The following HSPA5 variants were observed in gnomAD, a reference collection of about 807,000 sequenced individuals.
HSPA5 encodes the protein endoplasmic reticulum chaperone BiP.
A neutral mutation model predicts 49.5 loss-of-function variants in HSPA5; 16 were observed. The observed-to-expected ratio is 0.32, with a 90% CI of 0.22 to 0.49. HSPA5 has a LOEUF of 0.49. HSPA5 is among the 20% of genes least tolerant of loss of function. HSPA5 has a pLI of 0.99. For synonymous variants in HSPA5, 271 were observed against 307.2 expected (o/e 0.88, Z 1.23); for missense variants, 376 against 819.0 (o/e 0.46, Z 6.60).
Position 125,239,093 on chromosome 9 carries a change from T to G in HSPA5, c.844A>C (p.Asn282His). ...KKTGKDVRKDNRAVQKLRREV... is the reference protein window; with the variant it reads ...KKTGKDVRKDHRAVQKLRREV... ...CGCCGGAGTTTCTGCACAGCTCTAT[T>G]GTCTTTCCTGACATCTTTGCCCGTC... Residue 282 changes from asparagine to histidine, a missense_variant, in exon 5 of 8, where the codon AAT becomes CAT. Physicochemically the swap from Asn to His is moderately conservative, Grantham distance 68. This residue lies in a region of HSPA5 where 89 missense variants were observed against 155.9 expected (regional missense o/e 0.57). Coordinates refer to ENST00000324460, the MANE Select transcript of HSPA5 (RefSeq NM_005347.5). This position sits in a 1 kb window ranked among gnomAD's most constrained non-coding sequence, Gnocchi z 5.5. 1 of 1,614,196 alleles carries G rather than the reference T, an allele frequency of 6.2e-7. No individual in the cohort carries two copies. Among genetic ancestry groups the G allele is most frequent in the Non-Finnish European group, 8.5e-7 (1 of 1,180,032 alleles).
chr9:125,238,882 T>C, intron 5 of HSPA5, 55 bp from the exon 6 acceptor site: 1 of 1,605,882 alleles, frequency 6.2e-7, no homozygotes, highest in Non-Finnish European at 8.5e-7. Flanking sequence ...CTAGATGCAA[T>C]GTCCTGAATT....
Position 125,236,401 on chromosome 9 carries a change from C to T in HSPA5, c.*191G>A, listed in dbSNP as rs1414585594. The T allele has an allele frequency of 2.9e-5, 14 of 480,648 alleles. No homozygotes were observed. The highest frequency in any genetic ancestry group is 5.1e-5 in the Non-Finnish European group (14 of 275,314). The allele number at this position is 480,648 out of a possible 1,614,324, so 29.8% of individuals were successfully genotyped here. ...TTTTAAGATGGCCAATTCTTCTTCT[C>T]CCCCCCACCCAAAGACATGTGAGCA... is the stretch of plus-strand genomic sequence containing the variant. On this transcript the variant is annotated 3_prime_UTR_variant, in exon 8 of 8. Coordinates refer to ENST00000324460, the MANE Select transcript of HSPA5 (RefSeq NM_005347.5).
intron 7 of HSPA5, 69 bp from the exon 8 acceptor site, chr9:125,237,223 TTTCAGTC>T: frequency 8.8e-7 from 1 of 1,139,026 alleles, no homozygotes. Flanking sequence ...GATCCCCGCA[TTTCAGTC>T]TGAAGCATAA....
In HSPA5 at chr9:125,236,676, A is replaced by C. The variant is rs1388193268; in HGVS notation, c.1881T>G (p.Val627=). 6.2e-7 allele frequency: 1 copy of C among 1,613,672 alleles called. No homozygotes were observed. Among genetic ancestry groups the C allele is most frequent in the East Asian group, 2.2e-5 (1 of 44,894 alleles). Reference sequence around the variant, plus strand: ...CATAGAGTTTGCTGATAATTGGTTGAACAATTTCTTCCAGTTCCTTCTTCT... The same window carrying C: ...CATAGAGTTTGCTGATAATTGGTTGCACAATTTCTTCCAGTTCCTTCTTCT... ...KAKKKELEEI[V]QPIISKLYGS... The change falls in exon 8 of 8, where the codon GTT becomes GTG. Residue 627 remains valine, a synonymous_variant. Transcript: ENST00000324460.
Position 125,240,314 on chromosome 9 carries a change from T to C in HSPA5, c.355-5A>G. ...TTTAGTTTTCTTTTCAACCACCTATTTTAAAGAATTATTGTTTTCAGACAC... is the reference window on the plus strand; with the variant it reads ...TTTAGTTTTCTTTTCAACCACCTATCTTAAAGAATTATTGTTTTCAGACAC... On this transcript the variant is annotated splice_polypyrimidine_tract_variant and splice_region_variant and intron_variant, in intron 2 of 7. Coordinates refer to ENST00000324460, the MANE Select transcript of HSPA5 (RefSeq NM_005347.5). The surrounding 1 kb of genome is among the most constrained non-coding windows in gnomAD (Gnocchi z 4.4). 2 of 1,596,424 alleles carry C rather than the reference T, an allele frequency of 1.3e-6. No homozygotes were observed. Among genetic ancestry groups the C allele is most frequent in the Non-Finnish European group, 1.7e-6 (2 of 1,171,854 alleles).
At position 125,236,595 on chromosome 9, in the gene HSPA5, C is replaced by T. The variant is rs1230081034; in HGVS notation, c.1962G>A (p.Leu654=). ...TACAGCACTAGCAGATCAGTGTCTA[C>T]AACTCATCTTTTTCTGCTGTATCCT... is the stretch of plus-strand genomic sequence containing the variant. ...GEEDTAEKDE[L] Residue 654 remains leucine, a synonymous_variant, in exon 8 of 8, where the codon TTG becomes TTA. Transcript: ENST00000324460. The T allele has an allele frequency of 6.3e-7, 1 of 1,585,446 alleles. No homozygotes were observed. Among genetic ancestry groups the T allele is most frequent in the Non-Finnish European group, 8.6e-7 (1 of 1,167,708 alleles).
rs763802245 is a variant in HSPA5 at position 125,239,483 on chromosome 9, G to C, written c.543C>G (p.Arg181=). 2 of 1,613,988 alleles carry C rather than the reference G, an allele frequency of 1.2e-6. No homozygotes were observed. The highest frequency in any genetic ancestry group is 1.7e-5 in the Admixed American group (1 of 59,984). Residue 181 remains arginine, a synonymous_variant, in exon 4 of 8, where the codon CGC becomes CGG. Coordinates refer to ENST00000324460, the MANE Select transcript of HSPA5 (RefSeq NM_005347.5). The surrounding 1 kb of genome is among the most constrained non-coding windows in gnomAD (Gnocchi z 5.5). ...TVPAYFNDAQ[R]QATKDAGTIA... is the part of the protein sequence containing the mutation. Reference sequence around the variant, plus strand: ...TAGTTCCAGCGTCTTTGGTTGCTTGGCGTTGGGCATCATTAAAATAGGCTG... The same window carrying C: ...TAGTTCCAGCGTCTTTGGTTGCTTGCCGTTGGGCATCATTAAAATAGGCTG...
In HSPA5 at chr9:125,238,831, G is replaced by GA. The variant is rs780605687; in HGVS notation, c.997-5dup. On this transcript the variant is annotated splice_region_variant and splice_polypyrimidine_tract_variant and intron_variant, in intron 5 of 7. Transcript: ENST00000324460. ...TCATAGTAGACCGGAACAGATCCTA[G>GA]AAAAAAGACATGGTTACTGTGATGT... The GA allele has an allele frequency of 9.7e-5, 156 of 1,612,036 alleles. No homozygotes were observed. The highest frequency in any genetic ancestry group is 3.2e-4 in the Admixed American group (19 of 59,480).
Position 125,237,430 on chromosome 9 carries a change from T to G in HSPA5, c.1403-276A>C, listed in dbSNP as rs950415234. 2.0e-5 allele frequency among the ~76,000 whole-genome samples: 3 copies of G among 152,112 alleles called. No homozygotes were observed. The East Asian group carries it at 5.8e-4, about 29-fold the overall frequency. On this transcript the variant is annotated intron_variant, in intron 7 of 7. Transcript: ENST00000324460. Reference sequence around the variant, plus strand: ...TATTATTAGTGAGAATGCTAATCATTGGCTGGGTACAGTGGCTCACACCTG... The same window carrying G: ...TATTATTAGTGAGAATGCTAATCATGGGCTGGGTACAGTGGCTCACACCTG...
rs1008747477 is a variant in HSPA5, at chr9:125,235,688, G to A, written c.*904C>T. ...AGTACCACTAATGAGAAATTTCAGG[G>A]ATGGAGATTCTGACACAGCTAGGGT... is the stretch of plus-strand genomic sequence containing the variant. On this transcript the variant is annotated 3_prime_UTR_variant, in exon 8 of 8. Transcript: ENST00000324460. The A allele has an allele frequency of 6.6e-6, 1 of 151,920 alleles. No homozygotes were observed. The highest frequency in any genetic ancestry group is 1.5e-5 in the Non-Finnish European group (1 of 68,008). 9.4% of individuals were successfully genotyped at this position (151,920 alleles called of 1,614,324 possible).
Position 125,240,564 on chromosome 9 carries a change from A to G in HSPA5, c.354+112T>C, listed in dbSNP as rs1421020092. The stretch of plus-strand genomic sequence containing the variant: ...TAATAGTATTAAAGTTATTACATAC[A>G]TCATGTCTATAACCTTCAACTGTTG... On this transcript the variant is annotated intron_variant, in intron 2 of 7. Transcript: ENST00000324460. This position sits in a 1 kb window ranked among gnomAD's most constrained non-coding sequence, Gnocchi z 4.4. 1.1e-6 allele frequency: 1 copy of G among 873,272 alleles called. No individual in the cohort carries two copies. Among genetic ancestry groups the G allele is most frequent in the Non-Finnish European group, 1.8e-6 (1 of 547,442 alleles). 54.1% of individuals were successfully genotyped at this position (873,272 alleles called of 1,614,324 possible). A position where few individuals can be genotyped will look rare whatever the true frequency, so the allele number is the denominator to read the frequency against.
rs1832553409 is a variant in HSPA5 at position 125,240,657 on chromosome 9, G to A, written c.354+19C>T. The A allele has an allele frequency of 6.2e-7, 1 of 1,600,478 alleles. No homozygotes were observed. Among genetic ancestry groups the A allele is most frequent in the South Asian group, 1.1e-5 (1 of 90,876 alleles). ...CCACCCACCCGTTCTCTAACTGGAT[G>A]AGAAAAACCCGGTCGAACCTTGAAC... On this transcript the variant is annotated intron_variant, in intron 2 of 7. Transcript: ENST00000324460. The surrounding 1 kb of genome is among the most constrained non-coding windows in gnomAD (Gnocchi z 4.4).
Position 125,239,813 on chromosome 9 carries a change from G to A in HSPA5, c.493-280C>T, listed in dbSNP as rs1373628242. Among the ~76,000 whole-genome samples the A allele has an allele frequency of 2.0e-5, 3 of 151,862 alleles. No individual in the cohort carries two copies. The highest frequency in any genetic ancestry group is 7.3e-5 in the African/African-American group (3 of 41,338). On this transcript the variant is annotated intron_variant, in intron 3 of 7. Coordinates refer to ENST00000324460, the MANE Select transcript of HSPA5 (RefSeq NM_005347.5). The surrounding 1 kb of genome is among the most constrained non-coding windows in gnomAD (Gnocchi z 5.5). ...TGAGGCAGGAGAGCTGCTTGAACCC[G>A]GGAGGCAGAGGTTGCAGTGAGCTGA...
chr9:125,240,374 C>T lies in HSPA5; in HGVS notation c.355-65G>A. The T allele has an allele frequency of 7.1e-7, 1 of 1,409,558 alleles. No individual in the cohort carries two copies. Among genetic ancestry groups the T allele is most frequent in the Non-Finnish European group, 9.8e-7 (1 of 1,023,508 alleles). 87.3% of individuals were successfully genotyped at this position (1,409,558 alleles called of 1,614,324 possible). A position where few individuals can be genotyped will look rare whatever the true frequency, so the allele number is the denominator to read the frequency against. The stretch of plus-strand genomic sequence containing the variant: ...GACATCTCAAAGTTTAAAAGACCCA[C>T]TACCATCCCCACAATTTGGTTTATT... On this transcript the variant is annotated intron_variant, in intron 2 of 7. Coordinates refer to ENST00000324460, the MANE Select transcript of HSPA5 (RefSeq NM_005347.5). The surrounding 1 kb of genome is among the most constrained non-coding windows in gnomAD (Gnocchi z 4.4).
At position 125,236,500 on chromosome 9, in the gene HSPA5, A is replaced by G. The variant is rs1832497068; in HGVS notation, c.*92T>C. 1.1e-6 allele frequency: 1 copy of G among 910,592 alleles called. No homozygotes were observed. The highest frequency in any genetic ancestry group is 3.1e-5 in the Admixed American group (1 of 32,730). 56.4% of individuals were successfully genotyped at this position (910,592 alleles called of 1,614,324 possible). Reference sequence around the variant, plus strand: ...ACTCCACTCTGAGGTGAAGATTCCAATTACATTCGAGACTTAAGTTCTTTC... The same window carrying G: ...ACTCCACTCTGAGGTGAAGATTCCAGTTACATTCGAGACTTAAGTTCTTTC... On this transcript the variant is annotated 3_prime_UTR_variant, in exon 8 of 8. Coordinates refer to ENST00000324460, the MANE Select transcript of HSPA5 (RefSeq NM_005347.5).
Position 125,235,481 on chromosome 9 carries a change from TG to T in HSPA5, c.*1110del, listed in dbSNP as rs1832476074. 6.6e-6 allele frequency: 1 copy of T among 152,172 alleles called. No individual in the cohort carries two copies. Among genetic ancestry groups the T allele is most frequent in the South Asian group, 2.1e-4 (1 of 4,828 alleles). The allele number at this position is 152,172 out of a possible 1,614,324, so 9.4% of individuals were successfully genotyped here. The stretch of plus-strand genomic sequence containing the variant: ...TCCCAAAGTGCTAGGATTACAATAT[TG>T]GATTTTATGTTAGCACCAGCCTGTC... On this transcript the variant is annotated 3_prime_UTR_variant, in exon 8 of 8. Coordinates refer to ENST00000324460, the MANE Select transcript of HSPA5 (RefSeq NM_005347.5).
At chr9:125,238,033 C>A (rs1832519555) in intron 7 of HSPA5, 108 bp downstream of exon 7, 8 of 811,712 alleles carry the variant, frequency 9.9e-6, no homozygotes, top group Non-Finnish European at 1.4e-5. Flanking sequence ...ACCCGGGAGA[C>A]AGAATTTGCA....
Position 125,235,426 on chromosome 9 carries a change from T to A in HSPA5, c.*1166A>T, listed in dbSNP as rs1234487343. On this transcript the variant is annotated 3_prime_UTR_variant, in exon 8 of 8. Transcript: ENST00000324460. ...CATGTTGGCAAAGATGGTCTCTATC[T>A]CTTGACCTTGTGATCCACCCGCCTT... The A allele has an allele frequency of 2.0e-5, 3 of 152,124 alleles. No individual in the cohort carries two copies. The highest frequency in any genetic ancestry group is 2.0e-4 in the Admixed American group (3 of 15,234). 9.4% of individuals were successfully genotyped at this position (152,124 alleles called of 1,614,324 possible).
At position 125,239,908 on chromosome 9, in the gene HSPA5, A is replaced by G. The variant is rs1438368827; in HGVS notation, c.492+264T>C. On this transcript the variant is annotated intron_variant, in intron 3 of 7. Coordinates refer to ENST00000324460, the MANE Select transcript of HSPA5 (RefSeq NM_005347.5). The surrounding 1 kb of genome is among the most constrained non-coding windows in gnomAD (Gnocchi z 5.5). The stretch of plus-strand genomic sequence containing the variant: ...ATCTCAAAAAAAAAAAATTACAGTC[A>G]AACCATCACTTTAGTTTTTAAGCCA... Among the ~76,000 whole-genome samples, 2 of 152,044 alleles carry G rather than the reference A, an allele frequency of 1.3e-5. No individual in the cohort carries two copies. The highest frequency in any genetic ancestry group is 4.8e-5 in the African/African-American group (2 of 41,394).
Sources: gnomAD v4.1 joint callset for allele counts (sites outside exome capture counted in the v4.1 genomes callset) on GRCh38, gnomAD v4.1.1 for gene constraint, gnomAD v4.1.1 regional missense constraint, Gnocchi (gnomAD v3.1) non-coding constraint, MANE v1.5 for transcripts, NCBI Gene and HGNC (gene_info 2026-07-23, HGNC 2026-07-21) for gene names.